Variants in PHYHIPL observed in about 807,000 individuals in gnomAD.
PHYHIPL encodes the protein phytanoyl-CoA hydroxylase-interacting protein-like.
Under a neutral mutation model 33.4 loss-of-function variants are expected in PHYHIPL, and 9 were observed. That is an observed-to-expected ratio of 0.27 (90% confidence interval 0.16 to 0.47). The LOEUF (loss-of-function observed/expected upper bound fraction) is 0.47, where lower values mean the gene tolerates loss of function less well. Among genes scored for constraint, PHYHIPL ranks in the 20% least tolerant of loss-of-function variants. The pLI is 0.99. For missense variants in PHYHIPL, 365 were observed against 460.7 expected, an observed-to-expected ratio of 0.79 and a Z score of 1.90; for synonymous variants, 153 against 154.1, an observed-to-expected ratio of 0.99 and a Z score of 0.05.
chr10:59,213,872 A>G (rs940186977), intron 1 of PHYHIPL, among the ~76,000 whole-genome samples: 54 of 152,326 alleles, frequency 3.5e-4, no homozygotes, highest in African/African-American at 1.3e-3. Flanking sequence ...AAGCATAGCT[A>G]TAATTCTGCA....
At chr10:59,199,483 G>A (rs907592857) in intron 1 of PHYHIPL, among the ~76,000 whole-genome samples, 28 of 152,268 alleles carry the variant, frequency 1.8e-4, no homozygotes, top group African/African-American at 6.3e-4. Flanking sequence ...TTTGAAGTCA[G>A]GTAGCGTGAT....
chr10:59,224,446 C>G (rs1006211707), intron 1 of PHYHIPL, among the ~76,000 whole-genome samples: 1 of 102,130 alleles, frequency 9.8e-6, no homozygotes, highest in Admixed American at 1.1e-4. Context: ...GAGTGAGACC[C>G]TGTCTCAAGG....
rs191172226 is a variant in PHYHIPL at position 59,194,797 on chromosome 10, T to A, written c.106+17838T>A. Among the ~76,000 whole-genome samples, 952 of 152,308 alleles carry A rather than the reference T, an allele frequency of 6.3e-3. 14 individuals carry two copies. The highest frequency in any genetic ancestry group is 6.8e-3 in the Middle Eastern group (2 of 294). Reference sequence around the variant, plus strand: ...ATGCTAGACATTGGAAATTCAAAGATCCAGCATTTTTAACTTCACCTATTT... The same window carrying A: ...ATGCTAGACATTGGAAATTCAAAGAACCAGCATTTTTAACTTCACCTATTT... On this transcript the variant is annotated intron_variant, in intron 1 of 4. Transcript: ENST00000373880.
intron 1 of PHYHIPL, among the ~76,000 whole-genome samples, chr10:59,189,212 T>A (rs1480186226): frequency 6.6e-6 from 1 of 152,046 alleles, no homozygotes; most frequent in Non-Finnish European, 1.5e-5. Context: ...TTTTCTTTTT[T>A]AATTTCCAAT....
rs901526810 is a variant in PHYHIPL at position 59,200,348 on chromosome 10, C to A, written c.106+23389C>A. ...TTTTATCTTTGGTCCTGTTTATATG[C>A]TGGATTACTTTTATTGATTTGCGTA... is the stretch of plus-strand genomic sequence containing the variant. On this transcript the variant is annotated intron_variant, in intron 1 of 4. Transcript: ENST00000373880. Among the ~76,000 whole-genome samples, 3 of 152,246 alleles carry A rather than the reference C, an allele frequency of 2.0e-5. No individual in the cohort carries two copies. In the South Asian group the frequency reaches 6.2e-4, roughly 32 times the overall value.
intron 1 of PHYHIPL, 47 bp from the exon 2 acceptor site, chr10:59,234,257 A>C: frequency 7.0e-7 from 1 of 1,436,746 alleles, no homozygotes; most frequent in South Asian, 1.4e-5. Context: ...ATAAATTGGA[A>C]AATCCATTAA....
chr10:59,174,255 G>A (rs772375427), upstream of PHYHIPL, among the ~76,000 whole-genome samples: 19 of 151,816 alleles, frequency 1.3e-4, no homozygotes, highest in Admixed American at 7.9e-4. Flanking sequence ...CCCCTTTCCC[G>A]TAATTCTCCA....
In PHYHIPL at chr10:59,244,268, TA is replaced by T. The variant is rs544712910; in HGVS notation, c.597-784del. Among the ~76,000 whole-genome samples, 806 of 152,098 alleles carry T rather than the reference TA, an allele frequency of 5.3e-3. 5 individuals carry two copies. Among genetic ancestry groups the T allele is most frequent in the African/African-American group, 0.018 (742 of 41,492 alleles). Reference sequence around the variant, plus strand: ...AATAACCTGATTACTGTCCTTGGGTTAAAAAGCCAAAACAAGGGCTGAGCGT... The same window carrying T: ...AATAACCTGATTACTGTCCTTGGGTTAAAAGCCAAAACAAGGGCTGAGCGT... On this transcript the variant is annotated intron_variant, in intron 4 of 4. Transcript: ENST00000373880.
intron 1 of PHYHIPL, among the ~76,000 whole-genome samples, chr10:59,232,103 G>A (rs567341648): frequency 1.3e-5 from 2 of 152,002 alleles, no homozygotes; most frequent in South Asian, 2.1e-4. Flanking sequence ...ATTACCAATG[G>A]GGGGCAAAAA....
chr10:59,235,633 A>T (rs1840206893), intron 2 of PHYHIPL, among the ~76,000 whole-genome samples: 1 of 151,874 alleles, frequency 6.6e-6, no homozygotes, highest in Non-Finnish European at 1.5e-5. Context: ...TCAGTGATGG[A>T]TATTCTCTTT....
intron 1 of PHYHIPL, among the ~76,000 whole-genome samples, chr10:59,222,344 G>T (rs987211939): frequency 6.6e-6 from 1 of 151,964 alleles, no homozygotes; most frequent in African/African-American, 2.4e-5. Context: ...AACTGTAAGA[G>T]AAATAATTCA....
At chr10:59,185,464 C>T (rs1838566689) in intron 1 of PHYHIPL, among the ~76,000 whole-genome samples, 1 of 152,058 alleles carries the variant, frequency 6.6e-6, no homozygotes, top group Admixed American at 6.6e-5. Flanking sequence ...ATTTATAATC[C>T]TTTGGGTATA....
At chr10:59,235,541 A>G (rs895014125) in intron 2 of PHYHIPL, among the ~76,000 whole-genome samples, 2 of 151,918 alleles carry the variant, frequency 1.3e-5, no homozygotes, top group Non-Finnish European at 2.9e-5. Flanking sequence ...AGTGAGGATC[A>G]TACATACTAC....
At chr10:59,231,564 C>A (rs1840079629) in intron 1 of PHYHIPL, among the ~76,000 whole-genome samples, 1 of 151,970 alleles carries the variant, frequency 6.6e-6, no homozygotes, top group Non-Finnish European at 1.5e-5. Flanking sequence ...TTATAAAGCA[C>A]TCACATTTAA....
intron 1 of PHYHIPL, among the ~76,000 whole-genome samples, chr10:59,209,512 T>C (rs920637849): frequency 3.9e-5 from 6 of 152,148 alleles, no homozygotes; most frequent in African/African-American, 7.2e-5. Flanking sequence ...ATGAAGAAAC[T>C]GCATCAACTA....
chr10:59,240,559 A>G (rs890614640), intron 4 of PHYHIPL, among the ~76,000 whole-genome samples: 1 of 152,068 alleles, frequency 6.6e-6, no homozygotes. Flanking sequence ...CTGAATGTGC[A>G]TCATTTTCAC....
intron 1 of PHYHIPL, among the ~76,000 whole-genome samples, chr10:59,204,863 G>GTT (rs1230018175): frequency 6.2e-4 from 80 of 129,824 alleles, no homozygotes; most frequent in Middle Eastern, 4.0e-3. Flanking sequence ...GTCTCATAAA[G>GTT]TTTTTTTTTT....
chr10:59,235,048 A>G (rs1418679674), intron 2 of PHYHIPL, among the ~76,000 whole-genome samples: 1 of 151,932 alleles, frequency 6.6e-6, no homozygotes, highest in African/African-American at 2.4e-5. Context: ...TGCAATGCAT[A>G]GTTTTCCACT....
At chr10:59,237,796 A>G (rs779378805) in intron 3 of PHYHIPL, among the ~76,000 whole-genome samples, 83 of 152,002 alleles carry the variant, frequency 5.5e-4, no homozygotes, top group Non-Finnish European at 1.1e-3. Context: ...ACCATAATAA[A>G]TCATTATTGT....
Sources: allele counts gnomAD v4.1 joint callset (sites outside exome capture counted in the v4.1 genomes callset), GRCh38; gene constraint gnomAD v4.1.1; transcripts MANE v1.5; gene names NCBI Gene and HGNC (gene_info 2026-07-23, HGNC 2026-07-21).